Variants in MAFG observed in about 807,000 individuals in gnomAD.
MAFG encodes the protein transcription factor MafG.
Under a neutral mutation model 12.2 loss-of-function variants are expected in MAFG, and 3 were observed. That is an observed-to-expected ratio of 0.25 (90% CI 0.11 to 0.64). The LOEUF (loss-of-function observed/expected upper bound fraction) is 0.64. Ranked by LOEUF, MAFG falls within the 30% of genes least tolerant of loss-of-function variation. MAFG has a pLI of 0.85. For missense variants in MAFG, 153 were observed against 235.5 expected (o/e 0.65, Z 2.29); for synonymous variants, 126 against 109.1 (o/e 1.15, Z -0.96).
chr17:81,927,307 G>T (rs865789933), intron 1 of MAFG, among the ~76,000 whole-genome samples: 22 of 150,978 alleles, frequency 1.5e-4, no homozygotes, highest in African/African-American at 4.9e-4. Flanking sequence ...TCCAGTACCC[G>T]GGCGCCAGGG....
At chr17:81,925,480 A>C (rs563274104) in intron 1 of MAFG, among the ~76,000 whole-genome samples, 9 of 152,154 alleles carry the variant, frequency 5.9e-5, no homozygotes, top group South Asian at 2.1e-4. Flanking sequence ...CAGAACCTAA[A>C]ACTTAGTTTC....
rs367642656 is a variant in MAFG, at chr17:81,922,574, C to T, written c.*31G>A. 44 of 1,420,700 alleles carry T rather than the reference C, an allele frequency of 3.1e-5. No homozygotes were observed. The highest frequency in any genetic ancestry group is 7.4e-5 in the African/African-American group (5 of 67,176). 88.0% of individuals were successfully genotyped at this position (1,420,700 alleles called of 1,614,324 possible). A position where few individuals can be genotyped will look rare whatever the true frequency, so the allele number is the denominator to read the frequency against. On this transcript the variant is annotated 3_prime_UTR_variant, in exon 3 of 3. Transcript: ENST00000357736. ...AAATTCGCCATGTGCCTAGTGGCCC[C>T]GCAAAGACCCGCCTGGGCAGACGCG...
intron 1 of MAFG, among the ~76,000 whole-genome samples, chr17:81,925,601 G>A (rs1420915547): frequency 2.0e-5 from 3 of 152,154 alleles, no homozygotes; most frequent in South Asian, 2.1e-4. Flanking sequence ...GAGGTCAGGA[G>A]ATCGAGACCA....
In MAFG at chr17:81,922,908, G is replaced by A. The variant is rs149842973; in HGVS notation, c.186C>T (p.Arg62=). The A allele has an allele frequency of 1.0e-4, 162 of 1,610,826 alleles. No homozygotes were observed. The highest frequency in any genetic ancestry group is 6.6e-4 in the Middle Eastern group (4 of 6,048). ...TCACGCGGCAGCTGGCAGCGTAGCC[G>A]CGGTTCTTGAGCGTGCGCCGGCGCT... ...LKQRRRTLKN[R]GYAASCRVKR... The change falls in exon 3 of 3, where the codon CGC becomes CGT. Residue 62 remains arginine, a synonymous_variant. Transcript: ENST00000357736.
upstream of MAFG, chr17:81,928,421 G>T (rs1359964940): frequency 6.6e-6 from 1 of 152,278 alleles, no homozygotes; most frequent in Non-Finnish European, 1.5e-5. This position sits in a 1 kb window ranked among gnomAD's most constrained non-coding sequence, Gnocchi z 8.1. Flanking sequence ...TCCTGGGAGG[G>T]GAAGGGTGGC....
intron 1 of MAFG, among the ~76,000 whole-genome samples, chr17:81,925,198 C>T (rs2040929500): frequency 6.7e-6 from 1 of 149,396 alleles, no homozygotes. Context: ...TGTCATGCAC[C>T]CTCTGCTCCC....
chr17:81,923,541 G>A (rs890237736), intron 1 of MAFG: 17 of 232,758 alleles, frequency 7.3e-5, no homozygotes, highest in Non-Finnish European at 1.2e-4. Flanking sequence ...GGGAGAGGCA[G>A]GCCTAGAAGG....
upstream of MAFG, among the ~76,000 whole-genome samples, chr17:81,931,219 C>A (rs936032028): frequency 1.3e-5 from 2 of 152,230 alleles, no homozygotes; most frequent in South Asian, 4.1e-4. Flanking sequence ...CACACCTCCT[C>A]ACCTCCCTGT....
upstream of MAFG, among the ~76,000 whole-genome samples, chr17:81,929,287 G>A (rs769769289): frequency 3.3e-5 from 5 of 152,212 alleles, no homozygotes; most frequent in Non-Finnish European, 7.3e-5. This position sits in a 1 kb window ranked among gnomAD's most constrained non-coding sequence, Gnocchi z 5.7. Context: ...ACGGGCTGGG[G>A]AGGACACTCA....
At chr17:81,927,859 A>G (rs1035868616), upstream of MAFG, 1 of 152,138 alleles carries the variant, frequency 6.6e-6, no homozygotes, top group African/African-American at 2.4e-5. Flanking sequence ...CGTCCCTGGC[A>G]ACACTGGCTG....
At position 81,926,808 on chromosome 17, in the gene MAFG, C is replaced by T. The variant is rs553595491; in HGVS notation, c.-30+720G>A. Among the ~76,000 whole-genome samples, 1 of 152,236 alleles carries T rather than the reference C, an allele frequency of 6.6e-6. No homozygotes were observed. Among genetic ancestry groups the T allele is most frequent in the East Asian group, 1.9e-4 (1 of 5,168 alleles). On this transcript the variant is annotated intron_variant, in intron 1 of 2. Coordinates refer to ENST00000357736, the MANE Select transcript of MAFG (RefSeq NM_002359.4). The surrounding 1 kb of genome is among the most constrained non-coding windows in gnomAD (Gnocchi z 4.6). The stretch of plus-strand genomic sequence containing the variant: ...CACCCCTGCCTTCAACTGGATCGCT[C>T]GGCGCTCACTTAAACAGGCACCCCA...
In MAFG at chr17:81,918,697, C is replaced by T. The variant is rs1171744267; in HGVS notation, c.*3908G>A. On this transcript the variant is annotated 3_prime_UTR_variant, in exon 3 of 3. Transcript: ENST00000357736. ...CAACAGGGCTGGACACGCGGGCAGC[C>T]CTTGTCCTGTTGCCAGGAGAAGGCT... The T allele has an allele frequency of 6.6e-6, 1 of 152,472 alleles. No individual in the cohort carries two copies. The highest frequency in any genetic ancestry group is 1.5e-5 in the Non-Finnish European group (1 of 68,176). 9.4% of individuals were successfully genotyped at this position (152,472 alleles called of 1,614,324 possible). A position where few individuals can be genotyped will look rare whatever the true frequency, so the allele number is the denominator to read the frequency against.
At chr17:81,928,330 G>C (rs1289552368), upstream of MAFG, 1 of 152,470 alleles carries the variant, frequency 6.6e-6, no homozygotes, top group African/African-American at 2.4e-5. The surrounding 1 kb of genome is among the most constrained non-coding windows in gnomAD (Gnocchi z 8.1). Flanking sequence ...AGCGGTAGGG[G>C]GCGAGGACTC....
chr17:81,929,181 A>G (rs540328908), upstream of MAFG, among the ~76,000 whole-genome samples: 1 of 152,252 alleles, frequency 6.6e-6, no homozygotes, highest in African/African-American at 2.4e-5. The surrounding 1 kb of genome is among the most constrained non-coding windows in gnomAD (Gnocchi z 5.7). Flanking sequence ...GCGAATTTGG[A>G]ACGGATTTAT....
rs985167921 is a variant in MAFG, at chr17:81,926,731, C to T, written c.-30+797G>A. ...AGGGGTGGACCGCCCGGGGCTTCACCTTTGACCCCGGGAGAACACCTGCAG... is the reference window on the plus strand; with the variant it reads ...AGGGGTGGACCGCCCGGGGCTTCACTTTTGACCCCGGGAGAACACCTGCAG... On this transcript the variant is annotated intron_variant, in intron 1 of 2. Transcript: ENST00000357736. This position sits in a 1 kb window ranked among gnomAD's most constrained non-coding sequence, Gnocchi z 4.6. Among the ~76,000 whole-genome samples, 4 of 152,016 alleles carry T rather than the reference C, an allele frequency of 2.6e-5. No homozygotes were observed. The highest frequency in any genetic ancestry group is 2.6e-4 in the Admixed American group (4 of 15,278).
rs555231871 is a variant in MAFG, at chr17:81,923,450, A to C, written c.-29-236T>G. The C allele has an allele frequency of 9.4e-4, 390 of 414,398 alleles. 2 individuals are homozygous for C. Among genetic ancestry groups the C allele is most frequent in the African/African-American group, 7.7e-3 (372 of 48,612 alleles). 25.7% of individuals were successfully genotyped at this position (414,398 alleles called of 1,614,324 possible). ...CCAGGTGGGAGGTCAGGAAGGTCTG[A>C]CGGGAGAAGGGGAACTGAAGGCTGT... On this transcript the variant is annotated intron_variant, in intron 1 of 2. Transcript: ENST00000357736.
At chr17:81,930,487 C>A (rs1303610578), upstream of MAFG, 2 of 150,168 alleles carry the variant, frequency 1.3e-5, no homozygotes, top group African/African-American at 5.0e-5. This position sits in a 1 kb window ranked among gnomAD's most constrained non-coding sequence, Gnocchi z 4.1. Flanking sequence ...ACATAGAGAC[C>A]CTATCGCTAC....
At position 81,921,490 on chromosome 17, in the gene MAFG, G is replaced by A. The variant is rs2040888746; in HGVS notation, c.*1115C>T. ...AGACGGAAGCAGGAAGGGCAGAGGA[G>A]TAAGTCACTTTCGGTACAATTGCAA... On this transcript the variant is annotated 3_prime_UTR_variant, in exon 3 of 3. Coordinates refer to ENST00000357736, the MANE Select transcript of MAFG (RefSeq NM_002359.4). 1 of 152,186 alleles carries A rather than the reference G, an allele frequency of 6.6e-6. No individual in the cohort carries two copies. The highest frequency in any genetic ancestry group is 1.5e-5 in the Non-Finnish European group (1 of 68,042). 9.4% of individuals were successfully genotyped at this position (152,186 alleles called of 1,614,324 possible).
intron 1 of MAFG, among the ~76,000 whole-genome samples, chr17:81,925,058 T>C (rs2040928009): frequency 6.6e-6 from 1 of 152,142 alleles, no homozygotes; most frequent in South Asian, 2.1e-4. Flanking sequence ...GCACAGCCAG[T>C]GCGTTCCAGG....
Sources: gnomAD v4.1 joint callset for allele counts (sites outside exome capture counted in the v4.1 genomes callset) on GRCh38, gnomAD v4.1.1 for gene constraint, Gnocchi (gnomAD v3.1) non-coding constraint, MANE v1.5 for transcripts, NCBI Gene and HGNC (gene_info 2026-07-23, HGNC 2026-07-21) for gene names.